The following JHY variants were observed in gnomAD, a reference collection of about 807,000 sequenced individuals.
JHY encodes the protein jhy protein homolog.
In JHY, 69 loss-of-function variants were observed where a neutral mutation model predicts 78.0. The observed-to-expected ratio is 0.88, with a 90% CI of 0.73 to 1.08. JHY has a LOEUF of 1.08. JHY is among the 50% of genes least tolerant of loss of function. The probability of loss-of-function intolerance (pLI) is 0.00; values close to 1 mark genes in which losing one functional copy is unlikely to be tolerated. For synonymous variants in JHY, 368 were observed against 342.6 expected, an observed-to-expected ratio of 1.07 and a Z score of -0.82; for missense variants, 944 against 927.8, an observed-to-expected ratio of 1.02 and a Z score of -0.23.
chr11:122,923,575 C>T (rs961247957), intron 3 of JHY, among the ~76,000 whole-genome samples: 21 of 152,170 alleles, frequency 1.4e-4, no homozygotes, highest in Admixed American at 8.5e-4. Flanking sequence ...TGATTTAAAA[C>T]AGGTAACTAA....
intron 4 of JHY, among the ~76,000 whole-genome samples, chr11:122,928,397 C>G (rs1349760618): frequency 6.6e-6 from 1 of 152,062 alleles, no homozygotes; most frequent in African/African-American, 2.4e-5. Context: ...TGAAAAATGA[C>G]TTTCAGAGTT....
At chr11:122,927,000 A>G (rs1026206717) in intron 4 of JHY, 2 of 152,230 alleles carry the variant, frequency 1.3e-5, no homozygotes, top group East Asian at 1.9e-4. Context: ...AAGCCATAGG[A>G]TTCTCAGCTA....
rs1284020234 is a variant in JHY, at chr11:122,959,441, T to G, written c.2333T>G (p.Val778Gly). The G allele has an allele frequency of 6.2e-7, 1 of 1,613,960 alleles. No individual in the cohort carries two copies. The highest frequency in any genetic ancestry group is 1.7e-4 in the Middle Eastern group (1 of 6,058). The change falls in exon 9 of 9, where the codon GTA (valine) becomes GGA (glycine). Residue 778 changes from valine (V) to glycine (G), a missense_variant. Physicochemically the swap from Val to Gly is moderately radical, Grantham distance 109. Transcript: ENST00000227349. ...GCTGCTTTCAAAGTCCTTCACATCG[T>G]ATAGACAACATTTGATAGGAAGGAG... ...AVAAFKVLHI[V>G]
Position 122,963,499 on chromosome 11 carries a change from T to C in JHY, c.*4054T>C, listed in dbSNP as rs1030425987. ...GCCCTTCATTTGGCTCCACGTCATC[T>C]CACAATAGTGAAATACAGCAGAATG... On this transcript the variant is annotated 3_prime_UTR_variant, in exon 9 of 9. Transcript: ENST00000227349. Among the ~76,000 whole-genome samples the C allele has an allele frequency of 5.3e-5, 8 of 152,182 alleles. No homozygotes were observed. Among genetic ancestry groups the C allele is most frequent in the Non-Finnish European group, 1.2e-4 (8 of 68,008 alleles).
Position 122,959,673 on chromosome 11 carries a change from G to T in JHY, c.*228G>T. ...AAATTATTTATTTTCAAATCAGTTAGAATTGGAGCTGAATAATAACTAGAG... is the reference window on the plus strand; with the variant it reads ...AAATTATTTATTTTCAAATCAGTTATAATTGGAGCTGAATAATAACTAGAG... On this transcript the variant is annotated 3_prime_UTR_variant, in exon 9 of 9. Transcript: ENST00000227349. 1 of 486,026 alleles carries T rather than the reference G, an allele frequency of 2.1e-6. No homozygotes were observed. Among genetic ancestry groups the T allele is most frequent in the Non-Finnish European group, 3.6e-6 (1 of 275,604 alleles). 30.1% of individuals were successfully genotyped at this position (486,026 alleles called of 1,614,324 possible).
intron 2 of JHY, among the ~76,000 whole-genome samples, chr11:122,890,637 T>G (rs1862593676): frequency 6.6e-6 from 1 of 152,224 alleles, no homozygotes; most frequent in Admixed American, 6.5e-5. Context: ...GGGACCTGAC[T>G]TTAACCCTTG....
At chr11:122,942,154 G>A (rs1863887112) in intron 5 of JHY, among the ~76,000 whole-genome samples, 1 of 151,890 alleles carries the variant, frequency 6.6e-6, no homozygotes, top group South Asian at 2.1e-4. Context: ...TTACAGGCGT[G>A]AGCCACCGCA....
chr11:122,906,543 T>C (rs1862998389), intron 3 of JHY, among the ~76,000 whole-genome samples: 1 of 152,160 alleles, frequency 6.6e-6, no homozygotes, highest in African/African-American at 2.4e-5. Context: ...GACAATATTT[T>C]TCATTATTAA....
At chr11:122,921,076 A>G (rs879712660) in intron 3 of JHY, among the ~76,000 whole-genome samples, 1 of 151,928 alleles carries the variant, frequency 6.6e-6, no homozygotes, top group Non-Finnish European at 1.5e-5. Flanking sequence ...GTCCCATTCC[A>G]CTTTGAAAGA....
chr11:122,946,911 C>T (rs1338417182), intron 6 of JHY, 119 bp downstream of exon 6: 11 of 1,232,558 alleles, frequency 8.9e-6, no homozygotes, highest in South Asian at 6.2e-5. Context: ...CACACTGGGT[C>T]GCCCAGAGTC....
intron 2 of JHY, among the ~76,000 whole-genome samples, chr11:122,902,793 A>G (rs1251005189): frequency 6.6e-6 from 1 of 152,164 alleles, no homozygotes. Flanking sequence ...GGTGCTTGCT[A>G]AGCCATTCAT....
rs191926811 is a variant in JHY, at chr11:122,941,365, C to G, written c.1635-5133C>G. On this transcript the variant is annotated intron_variant, in intron 5 of 8. Coordinates refer to ENST00000227349, the MANE Select transcript of JHY (RefSeq NM_024806.4). Reference sequence around the variant, plus strand: ...CAGCTCTGGGTTCTTCCTCATGCTTCTCCTTTTCCATATTTGTATCTCCTT... The same window carrying G: ...CAGCTCTGGGTTCTTCCTCATGCTTGTCCTTTTCCATATTTGTATCTCCTT... Among the ~76,000 whole-genome samples, 3 of 152,300 alleles carry G rather than the reference C, an allele frequency of 2.0e-5. No individual in the cohort carries two copies. The East Asian group carries it at 5.8e-4, about 29-fold the overall frequency.
At position 122,960,738 on chromosome 11, in the gene JHY, G is replaced by T. The variant is rs1032498288; in HGVS notation, c.*1293G>T. 2.2e-6 allele frequency: 1 copy of T among 456,198 alleles called. No individual in the cohort carries two copies. The highest frequency in any genetic ancestry group is 4.4e-6 in the Non-Finnish European group (1 of 229,866). 28.3% of individuals were successfully genotyped at this position (456,198 alleles called of 1,614,324 possible). A position where few individuals can be genotyped will look rare whatever the true frequency, so the allele number is the denominator to read the frequency against. On this transcript the variant is annotated 3_prime_UTR_variant, in exon 9 of 9. Coordinates refer to ENST00000227349, the MANE Select transcript of JHY (RefSeq NM_024806.4). ...CAATGAGCAAAACATTGCCCAACTA[G>T]AAGAGGTGAAGCAGGCTTCCATCAA... is the stretch of plus-strand genomic sequence containing the variant.
intron 7 of JHY, 109 bp downstream of exon 7, chr11:122,956,685 C>A: frequency 1.2e-6 from 1 of 810,560 alleles, no homozygotes; most frequent in Non-Finnish European, 2.0e-6. Flanking sequence ...AAATGTCTCA[C>A]TCTGAATAGA....
intron 2 of JHY, among the ~76,000 whole-genome samples, chr11:122,903,595 C>T (rs949799917): frequency 2.0e-5 from 3 of 152,178 alleles, no homozygotes; most frequent in Admixed American, 6.5e-5. Context: ...CCTCCCACCT[C>T]AGCCTCCTGA....
chr11:122,945,456 TC>T (rs1445060504), intron 5 of JHY, among the ~76,000 whole-genome samples: 1 of 152,218 alleles, frequency 6.6e-6, no homozygotes, highest in East Asian at 1.9e-4. Flanking sequence ...TTATCTAATA[TC>T]TCTATCATCT....
At chr11:122,889,329 C>A (rs567047450) in intron 2 of JHY, among the ~76,000 whole-genome samples, 19 of 15,556 alleles carry the variant, frequency 1.2e-3, no homozygotes, top group African/African-American at 3.1e-3. Context: ...TTTCCGTATC[C>A]ATGGTTTCGC....
At chr11:122,947,863 G>T (rs1263213909) in intron 6 of JHY, among the ~76,000 whole-genome samples, 1 of 152,142 alleles carries the variant, frequency 6.6e-6, no homozygotes, top group Non-Finnish European at 1.5e-5. Context: ...GGTTCTGAGG[G>T]TTCTAAAGTT....
intron 4 of JHY, 44 bp from the exon 5 acceptor site, chr11:122,934,376 G>A (rs113958711): frequency 9.0e-7 from 1 of 1,106,158 alleles, no homozygotes; most frequent in Non-Finnish European, 1.2e-6. Context: ...TTTGTGAAGA[G>A]TGCCAGTCTT....
Sources: gnomAD v4.1 joint callset for allele counts (sites outside exome capture counted in the v4.1 genomes callset) on GRCh38, gnomAD v4.1.1 for gene constraint, MANE v1.5 for transcripts, NCBI Gene and HGNC (gene_info 2026-07-23, HGNC 2026-07-21) for gene names.